The following FGD3 variants were observed in gnomAD, a reference collection of about 807,000 sequenced individuals.
The protein encoded by FGD3 is FYVE, RhoGEF and PH domain-containing protein 3.
In FGD3, 45 loss-of-function variants were observed where a neutral mutation model predicts 71.8. The ratio of observed to expected loss-of-function variants is 0.63; its 90% CI spans 0.49 to 0.80. The LOEUF (loss-of-function observed/expected upper bound fraction) is 0.80. FGD3 is among the 30% of genes least tolerant of loss of function. The pLI is 0.00. For synonymous variants in FGD3, 378 were observed against 392.8 expected (o/e 0.96, Z 0.44); for missense variants, 844 against 951.5 (o/e 0.89, Z 1.49).
chr9:93,023,242 T>C (rs1861993782), intron 14 of FGD3, among the ~76,000 whole-genome samples: 1 of 152,152 alleles, frequency 6.6e-6, no homozygotes, highest in Non-Finnish European at 1.5e-5. Flanking sequence ...GACGGGTCTT[T>C]CCAGGTGGGC....
At chr9:93,033,160 G>T in intron 16 of FGD3, 1 of 474,824 alleles carries the variant, frequency 2.1e-6, no homozygotes, top group Admixed American at 3.2e-5. Context: ...TGGAGGGCAT[G>T]GATTGAAGCT....
chr9:93,019,758 G>A, intron 11 of FGD3, 73 bp from the exon 12 acceptor site: 1 of 1,418,408 alleles, frequency 7.1e-7, no homozygotes, highest in Middle Eastern at 1.8e-4. Flanking sequence ...TGTGCTGCAG[G>A]GTTGAGAGAG....
chr9:92,968,200 C>T (rs750435261), intron 1 of FGD3, among the ~76,000 whole-genome samples: 9 of 152,170 alleles, frequency 5.9e-5, no homozygotes, highest in Admixed American at 2.6e-4. Flanking sequence ...TCTCCCAGTC[C>T]ACAGTCACAG....
rs1031409616 is a variant in FGD3, at chr9:92,969,210, G to C, written c.-217-6028G>C. On this transcript the variant is annotated intron_variant, in intron 1 of 17. Transcript: ENST00000375482. The surrounding 1 kb of genome is among the most constrained non-coding windows in gnomAD (Gnocchi z 4.5). ...TGCAGCGGGCGGCTCTTGCCCACAG[G>C]GCTGGGACCCATTGCATAAGGCTTC... Among the ~76,000 whole-genome samples the C allele has an allele frequency of 5.9e-5, 9 of 152,204 alleles. No individual in the cohort carries two copies. The highest frequency in any genetic ancestry group is 2.2e-4 in the African/African-American group (9 of 41,452).
intron 3 of FGD3, among the ~76,000 whole-genome samples, chr9:92,993,698 G>C (rs1031632079): frequency 6.6e-6 from 1 of 152,116 alleles, no homozygotes; most frequent in Non-Finnish European, 1.5e-5. Flanking sequence ...TCCCATCTAT[G>C]AGTGAGAACA....
chr9:92,965,109 G>A (rs977037927), intron 1 of FGD3, among the ~76,000 whole-genome samples: 1 of 152,178 alleles, frequency 6.6e-6, no homozygotes, highest in Non-Finnish European at 1.5e-5. Flanking sequence ...CGGCAGTGGC[G>A]GCACAACCCG....
intron 1 of FGD3, among the ~76,000 whole-genome samples, chr9:92,968,341 C>G (rs1442065613): frequency 6.6e-6 from 1 of 152,110 alleles, no homozygotes; most frequent in Non-Finnish European, 1.5e-5. Flanking sequence ...GGAGGTGCTG[C>G]GTTGATCTGC....
At chr9:93,022,786 T>C (rs1587866198) in intron 14 of FGD3, among the ~76,000 whole-genome samples, 1 of 152,032 alleles carries the variant, frequency 6.6e-6, no homozygotes, top group East Asian at 1.9e-4. Flanking sequence ...CAGTGCAAGG[T>C]CCTTAGGAGG....
At chr9:93,009,720 C>T (rs1470405625) in intron 6 of FGD3, among the ~76,000 whole-genome samples, 5 of 152,178 alleles carry the variant, frequency 3.3e-5, no homozygotes, top group Non-Finnish European at 5.9e-5. Flanking sequence ...GCTGGGTACA[C>T]GTGGAGCGCG....
At chr9:93,023,666 C>T (rs1862011917) in intron 14 of FGD3, among the ~76,000 whole-genome samples, 1 of 152,102 alleles carries the variant, frequency 6.6e-6, no homozygotes, top group African/African-American at 2.4e-5. Flanking sequence ...CCCTGGGTTC[C>T]CCTTGCCCTG....
In FGD3 at chr9:93,015,724, A is replaced by G. The variant is rs1434177820; in HGVS notation, c.1183-13A>G. On this transcript the variant is annotated splice_polypyrimidine_tract_variant and intron_variant, in intron 9 of 17. Coordinates refer to ENST00000375482, the MANE Select transcript of FGD3 (RefSeq NM_001083536.2). ...GCAGCTCTCGTTCCTCACCTGTGCC[A>G]TCCCTCTTGCAGTTCAACAGCATGA... 6.2e-7 allele frequency: 1 copy of G among 1,613,378 alleles called. No individual in the cohort carries two copies. Among genetic ancestry groups the G allele is most frequent in the Non-Finnish European group, 8.5e-7 (1 of 1,179,416 alleles).
chr9:92,951,442 C>T (rs540134539), intron 1 of FGD3, among the ~76,000 whole-genome samples: 1 of 152,256 alleles, frequency 6.6e-6, no homozygotes, highest in African/African-American at 2.4e-5. Context: ...TTTGAGAGGC[C>T]GAGATGGGTG....
At chr9:92,957,997 A>G (rs1396998430) in intron 1 of FGD3, among the ~76,000 whole-genome samples, 5 of 135,034 alleles carry the variant, frequency 3.7e-5, no homozygotes, top group South Asian at 2.4e-4. Context: ...TTTAAAAAAT[A>G]TTTAATTTTT....
At chr9:92,954,182 A>G (rs1213747171) in intron 1 of FGD3, among the ~76,000 whole-genome samples, 1 of 152,072 alleles carries the variant, frequency 6.6e-6, no homozygotes, top group African/African-American at 2.4e-5. Flanking sequence ...GGTCTTGTCT[A>G]TTGTTAGGTC....
At chr9:92,983,366 C>CA (rs950007172) in intron 3 of FGD3, among the ~76,000 whole-genome samples, 4 of 149,420 alleles carry the variant, frequency 2.7e-5, no homozygotes, top group African/African-American at 4.9e-5. Flanking sequence ...ACTAAAAATA[C>CA]AAAAAAAAAT....
At chr9:93,012,411 C>G (rs904769580) in intron 8 of FGD3, among the ~76,000 whole-genome samples, 3 of 152,142 alleles carry the variant, frequency 2.0e-5, no homozygotes, top group African/African-American at 7.2e-5. Context: ...GGTCCCCGGC[C>G]TGCCCCGGAA....
At chr9:92,995,672 T>G (rs1386149019) in intron 3 of FGD3, among the ~76,000 whole-genome samples, 1 of 152,252 alleles carries the variant, frequency 6.6e-6, no homozygotes, top group East Asian at 1.9e-4. Flanking sequence ...TTATCAAGAG[T>G]TTTTAGCATG....
intron 1 of FGD3, among the ~76,000 whole-genome samples, chr9:92,961,170 G>A (rs750115629): frequency 1.5e-4 from 23 of 152,138 alleles, no homozygotes; most frequent in Non-Finnish European, 2.9e-4. Flanking sequence ...CAGGACTGGG[G>A]GTCCCTGGGA....
At chr9:92,948,026 C>G (rs1354540163) in intron 1 of FGD3, among the ~76,000 whole-genome samples, 2 of 152,172 alleles carry the variant, frequency 1.3e-5, no homozygotes, top group Non-Finnish European at 2.9e-5. Flanking sequence ...ACAGGATTCT[C>G]CAGGATACCT....
Sources: allele counts gnomAD v4.1 joint callset (sites outside exome capture counted in the v4.1 genomes callset), GRCh38; gene constraint gnomAD v4.1.1; non-coding constraint Gnocchi (gnomAD v3.1); transcripts MANE v1.5; gene names NCBI Gene and HGNC (gene_info 2026-07-23, HGNC 2026-07-21).